Variants in COL5A2 observed in about 807,000 individuals in gnomAD.
COL5A2 encodes collagen alpha-2(V) chain.
Under a neutral mutation model 208.2 loss-of-function variants are expected in COL5A2, and 23 were observed. The observed-to-expected ratio is 0.11, with a 90% CI of 0.08 to 0.16. COL5A2 has a LOEUF of 0.16. Among genes scored for constraint, COL5A2 ranks in the 10% least tolerant of loss-of-function variants. The pLI, the probability that COL5A2 is intolerant of heterozygous loss-of-function variation, is 1.00. For synonymous variants in COL5A2, 625 were observed against 628.5 expected (o/e 0.99, Z 0.08); for missense variants, 1,590 against 1,956.4 (o/e 0.81, Z 3.53).
At chr2:189,307,385 A>G in the COL5A2 span, among the ~76,000 whole-genome samples, 2 of 152,288 alleles carry the variant, frequency 1.3e-5, no homozygotes, top group Non-Finnish European at 1.5e-5. Context: ...AAAAGCATAC[A>G]TGAATAGCAC....
the COL5A2 span, among the ~76,000 whole-genome samples, chr2:189,292,460 T>C: frequency 6.6e-6 from 1 of 152,064 alleles, no homozygotes; most frequent in East Asian, 1.9e-4. Context: ...AACAGACACT[T>C]CTCAAAAGAA....
chr2:189,235,057 T>C, the COL5A2 span, among the ~76,000 whole-genome samples: 1 of 151,734 alleles, frequency 6.6e-6, no homozygotes, highest in African/African-American at 2.4e-5. Flanking sequence ...GTGTATATTT[T>C]ATACTTATAC....
chr2:189,137,336 C>T (rs549599643), intron 1 of COL5A2, among the ~76,000 whole-genome samples: 5 of 152,280 alleles, frequency 3.3e-5, no homozygotes, highest in South Asian at 2.1e-4. Flanking sequence ...ATCAAGGCCA[C>T]GCCTAAATCC....
At chr2:189,203,787 T>C (rs1689108765) in intron 1 of COL5A2, among the ~76,000 whole-genome samples, 1 of 152,178 alleles carries the variant, frequency 6.6e-6, no homozygotes, top group Admixed American at 6.5e-5. Flanking sequence ...AAAAGTGAAA[T>C]ATCTCACACT....
intron 29 of COL5A2, among the ~76,000 whole-genome samples, chr2:189,062,061 C>T (rs1184735340): frequency 6.6e-6 from 1 of 151,902 alleles, no homozygotes; most frequent in East Asian, 1.9e-4. Context: ...TAAACTGCCC[C>T]ACCCCCCCAA....
At chr2:189,363,499 G>A in the COL5A2 span, among the ~76,000 whole-genome samples, 1 of 151,546 alleles carries the variant, frequency 6.6e-6, no homozygotes, top group Non-Finnish European at 1.5e-5. Flanking sequence ...CACATTCCTA[G>A]GATAAACCCT....
At chr2:189,386,972 C>G in the COL5A2 span, among the ~76,000 whole-genome samples, 1 of 151,884 alleles carries the variant, frequency 6.6e-6, no homozygotes, top group Admixed American at 6.6e-5. Flanking sequence ...GAGTATATAC[C>G]CAAAGGAATA....
chr2:189,131,880 G>A (rs77572583), intron 1 of COL5A2, among the ~76,000 whole-genome samples: 4,002 of 152,240 alleles, frequency 0.026, 192 homozygotes, highest in African/African-American at 0.092. Flanking sequence ...GAAATTATAC[G>A]TGTAAATTAG....
At chr2:189,149,378 C>A (rs1217393121) in intron 1 of COL5A2, among the ~76,000 whole-genome samples, 1 of 151,988 alleles carries the variant, frequency 6.6e-6, no homozygotes, top group Non-Finnish European at 1.5e-5. Flanking sequence ...AATATTGGAA[C>A]CTTAATATCT....
chr2:189,058,532 C>A lies in COL5A2; in HGVS notation c.2131-5G>T, dbSNP rs1219841781. ...CCCAGGATTTCCTCGTTCTCCCTAG[C>A]ACAAAATTGGGATGTCAAATAATCT... On this transcript the variant is annotated splice_region_variant and splice_polypyrimidine_tract_variant and intron_variant, in intron 32 of 53. Coordinates refer to ENST00000374866, the MANE Select transcript of COL5A2 (RefSeq NM_000393.5). 4 of 1,609,842 alleles carry A rather than the reference C, an allele frequency of 2.5e-6. No individual in the cohort carries two copies. The highest frequency in any genetic ancestry group is 2.2e-5 in the East Asian group (1 of 44,830).
chr2:189,099,454 G>A (rs765846062), intron 4 of COL5A2, among the ~76,000 whole-genome samples: 4 of 151,840 alleles, frequency 2.6e-5, no homozygotes, highest in South Asian at 2.1e-4. Context: ...GTGAAACCCC[G>A]TCTTTACTAA....
chr2:189,357,570 C>T, the COL5A2 span, among the ~76,000 whole-genome samples: 1 of 152,002 alleles, frequency 6.6e-6, no homozygotes, highest in African/African-American at 2.4e-5. Context: ...CTCCCCCTAC[C>T]AAGCTCAAGT....
chr2:189,057,425 G>A lies in COL5A2; in HGVS notation c.2232C>T (p.Gly744=), dbSNP rs1176624462. ...AGGHGPDGPK[G]SPGPSGTPGD... ...CAGGGGTCCCAGATGGACCTGGACT[G>A]CCCTAAAATGAACCAACATTAAGTG... Residue 744 remains glycine (G), a splice_region_variant and synonymous_variant, in exon 34 of 54, where the codon GGC becomes GGT. Coordinates refer to ENST00000374866, the MANE Select transcript of COL5A2 (RefSeq NM_000393.5). 1.2e-6 allele frequency: 2 copies of A among 1,607,490 alleles called. No individual in the cohort carries two copies. Among genetic ancestry groups the A allele is most frequent in the Non-Finnish European group, 1.7e-6 (2 of 1,174,380 alleles).
At chr2:189,067,627 T>C (rs1223012286) in intron 21 of COL5A2, among the ~76,000 whole-genome samples, 1 of 152,154 alleles carries the variant, frequency 6.6e-6, no homozygotes, top group Non-Finnish European at 1.5e-5. Flanking sequence ...ACAATAACTC[T>C]GAAGAAATAG....
chr2:189,184,396 G>A (rs553453311), upstream of COL5A2, among the ~76,000 whole-genome samples: 27 of 152,082 alleles, frequency 1.8e-4, no homozygotes, highest in Non-Finnish European at 3.5e-4. Context: ...TACTGACTAT[G>A]GCATAAAACG....
intron 16 of COL5A2, among the ~76,000 whole-genome samples, chr2:189,075,946 C>T (rs546885743): frequency 2.1e-4 from 32 of 152,250 alleles, no homozygotes; most frequent in African/African-American, 7.5e-4. Flanking sequence ...CTAGGAATTG[C>T]CCTCAGCTAA....
the COL5A2 span, among the ~76,000 whole-genome samples, chr2:189,280,494 A>C: frequency 6.6e-6 from 1 of 152,136 alleles, no homozygotes; most frequent in African/African-American, 2.4e-5. Flanking sequence ...GCAAAATATG[A>C]AGGAATATAC....
chr2:189,368,485 G>A, the COL5A2 span, among the ~76,000 whole-genome samples: 1 of 152,076 alleles, frequency 6.6e-6, no homozygotes, highest in African/African-American at 2.4e-5. Flanking sequence ...AATGAAGATC[G>A]ATTCACATTT....
intron 1 of COL5A2, among the ~76,000 whole-genome samples, chr2:189,203,983 T>C (rs376924049): frequency 2.0e-5 from 3 of 152,070 alleles, no homozygotes; most frequent in Non-Finnish European, 2.9e-5. Context: ...CTGCAAGCTC[T>C]GCCTCCCGGG....
Sources: allele counts gnomAD v4.1 joint callset (sites outside exome capture counted in the v4.1 genomes callset), GRCh38; gene constraint gnomAD v4.1.1; transcripts MANE v1.5; gene names NCBI Gene and HGNC (gene_info 2026-07-23, HGNC 2026-07-21).